RBFOX1: variants seen among roughly 807,000 people sequenced by gnomAD.
RBFOX1 encodes RNA binding fox-1 homolog 1.
In RBFOX1, 8 loss-of-function variants were observed where a neutral mutation model predicts 57.7. That is an observed-to-expected ratio of 0.14 (90% CI 0.08 to 0.25). The LOEUF is 0.25. RBFOX1 is among the 10% of genes least tolerant of loss of function. The pLI is 1.00. For missense variants in RBFOX1, 611 were observed against 548.5 expected (o/e 1.11, Z -1.14); for synonymous variants, 326 against 222.4 (o/e 1.47, Z -4.15).
At chr16:6,899,554 A>G (rs148366658) in intron 3 of RBFOX1, among the ~76,000 whole-genome samples, 209 of 152,336 alleles carry the variant, frequency 1.4e-3, no homozygotes, top group African/African-American at 5.0e-3. Flanking sequence ...GATGTAGATT[A>G]CAACTCCATC....
intron 1 of RBFOX1, among the ~76,000 whole-genome samples, chr16:5,334,179 A>G (rs1017078165): frequency 7.2e-5 from 11 of 152,160 alleles, no homozygotes; most frequent in African/African-American, 2.7e-4. Context: ...GTGTCTGGTC[A>G]GAGGGGAGGA....
intron 4 of RBFOX1, chr16:7,431,067 AG>A (rs2098674786): frequency 6.6e-6 from 1 of 152,248 alleles, no homozygotes; most frequent in African/African-American, 2.4e-5. Flanking sequence ...ACTAAGGCAC[AG>A]GCAGCACCAG....
intron 1 of RBFOX1, among the ~76,000 whole-genome samples, chr16:6,162,278 T>C (rs2096885353): frequency 1.3e-5 from 2 of 152,012 alleles, no homozygotes; most frequent in South Asian, 2.1e-4. Context: ...ACTACATCCA[T>C]GTAATTCTTG....
intron 11 of RBFOX1, among the ~76,000 whole-genome samples, chr16:7,634,020 A>T (rs1020391704): frequency 4.6e-5 from 7 of 152,124 alleles, no homozygotes; most frequent in African/African-American, 1.7e-4. Flanking sequence ...CACACGAGTT[A>T]TATTCATGGT....
chr16:6,070,424 T>C (rs1364202894), intron 1 of RBFOX1, among the ~76,000 whole-genome samples: 1 of 152,228 alleles, frequency 6.6e-6, no homozygotes, highest in African/African-American at 2.4e-5. Context: ...ATGTAGTTCA[T>C]CAAATTTGGG....
At chr16:6,030,069 C>G (rs780010724) in intron 1 of RBFOX1, among the ~76,000 whole-genome samples, 1 of 152,094 alleles carries the variant, frequency 6.6e-6, no homozygotes. Context: ...TGCCACCAAG[C>G]CTGGCTAATT....
chr16:6,786,571 C>G (rs994691930), intron 3 of RBFOX1, among the ~76,000 whole-genome samples: 1 of 152,172 alleles, frequency 6.6e-6, no homozygotes, highest in African/African-American at 2.4e-5. Context: ...AAAAACCTCT[C>G]CAAAAATTAA....
chr16:7,461,175 A>ATTT (rs201758297), intron 4 of RBFOX1, among the ~76,000 whole-genome samples: 14 of 147,802 alleles, frequency 9.5e-5, no homozygotes, highest in African/African-American at 3.2e-4. Flanking sequence ...AGGCAAAACA[A>ATTT]TTTTTTTTTT....
intron 4 of RBFOX1, among the ~76,000 whole-genome samples, chr16:5,903,444 A>G (rs1202127670): frequency 6.6e-6 from 1 of 152,092 alleles, no homozygotes; most frequent in African/African-American, 2.4e-5. Flanking sequence ...AAAAGGGGGC[A>G]TTTATGGGGT....
In RBFOX1 at chr16:6,701,906, C is replaced by T. The variant is rs183530234; in HGVS notation, c.-16+47256C>T. ...AAATGCGATCTAAACACTGAGTACA[C>T]ACGGACACAAAGGGACAACAGACAC... is the stretch of plus-strand genomic sequence containing the variant. On this transcript the variant is annotated intron_variant, in intron 3 of 15. Coordinates refer to ENST00000550418, the MANE Select transcript of RBFOX1 (RefSeq NM_018723.4). Among the ~76,000 whole-genome samples the T allele has an allele frequency of 2.0e-4, 31 of 152,192 alleles. No individual in the cohort carries two copies. In the East Asian group the frequency reaches 5.4e-3, roughly 27 times the overall value.
At chr16:5,709,270 A>G (rs2051365211) in intron 3 of RBFOX1, among the ~76,000 whole-genome samples, 1 of 152,170 alleles carries the variant, frequency 6.6e-6, no homozygotes, top group Non-Finnish European at 1.5e-5. Context: ...AGCAAAGACG[A>G]TGGGTGCATA....
At chr16:7,574,728 A>C (rs12918489) in intron 5 of RBFOX1, among the ~76,000 whole-genome samples, 46,939 of 151,878 alleles carry the variant, frequency 0.31, 8,700 homozygotes, top group East Asian at 0.53. Context: ...TTGGCAGCAC[A>C]CTAACAGACA....
At chr16:6,479,756 A>G (rs1039930713) in intron 2 of RBFOX1, among the ~76,000 whole-genome samples, 1 of 151,810 alleles carries the variant, frequency 6.6e-6, no homozygotes, top group Non-Finnish European at 1.5e-5. Flanking sequence ...AAGTTCACCA[A>G]TCACCAGTCT....
At chr16:7,654,863 T>C (rs1339014944) in intron 12 of RBFOX1, among the ~76,000 whole-genome samples, 3 of 152,180 alleles carry the variant, frequency 2.0e-5, no homozygotes, top group African/African-American at 7.2e-5. Flanking sequence ...GGGTAGAGTC[T>C]AGGGATGTTG....
chr16:7,177,436 G>A (rs1376257335), intron 4 of RBFOX1, among the ~76,000 whole-genome samples: 3 of 151,626 alleles, frequency 2.0e-5, no homozygotes, highest in Non-Finnish European at 2.9e-5. Flanking sequence ...TTCTATGCAT[G>A]TAACAAAATA....
At chr16:5,695,935 TAAGAG>T (rs2050830148) in intron 3 of RBFOX1, among the ~76,000 whole-genome samples, 1 of 152,152 alleles carries the variant, frequency 6.6e-6, no homozygotes, top group Admixed American at 6.6e-5. Context: ...AAAAAATCGA[TAAGAG>T]AAGAATTTGC....
chr16:6,764,072 C>G (rs192487727), intron 3 of RBFOX1, among the ~76,000 whole-genome samples: 1 of 152,176 alleles, frequency 6.6e-6, no homozygotes, highest in East Asian at 1.9e-4. Flanking sequence ...TTATTAATCA[C>G]TCATAACGTG....
At chr16:7,017,594 G>A (rs938675001) in intron 3 of RBFOX1, among the ~76,000 whole-genome samples, 2 of 152,142 alleles carry the variant, frequency 1.3e-5, no homozygotes, top group Non-Finnish European at 2.9e-5. Flanking sequence ...GTTTTCATGA[G>A]GCTGGGGTCA....
intron 1 of RBFOX1, among the ~76,000 whole-genome samples, chr16:6,184,953 G>T (rs1362055501): frequency 2.4e-4 from 36 of 152,162 alleles, no homozygotes; most frequent in Admixed American, 2.3e-3. Context: ...TTCAGGGAAA[G>T]AGAGAGAGAA....
Sources: allele counts gnomAD v4.1 joint callset (sites outside exome capture counted in the v4.1 genomes callset), GRCh38; gene constraint gnomAD v4.1.1; transcripts MANE v1.5; gene names NCBI Gene and HGNC (gene_info 2026-07-23, HGNC 2026-07-21).